Variants in ADAM32 observed in about 807,000 individuals in gnomAD.
ADAM32 encodes the protein disintegrin and metalloproteinase domain-containing protein 32.
A neutral mutation model predicts 114.9 loss-of-function variants in ADAM32; 89 were observed. The observed-to-expected ratio is 0.77, with a 90% CI of 0.65 to 0.92. The LOEUF is 0.92. Ranked by LOEUF, ADAM32 falls within the 40% of genes least tolerant of loss-of-function variation. ADAM32 has a pLI of 0.00. For missense variants in ADAM32, 870 were observed against 932.8 expected (o/e 0.93, Z 0.88); for synonymous variants, 285 against 307.5 (o/e 0.93, Z 0.77).
At chr8:39,193,337 G>A (rs1446861640) in intron 11 of ADAM32, among the ~76,000 whole-genome samples, 1 of 152,074 alleles carries the variant, frequency 6.6e-6, no homozygotes, top group Admixed American at 6.5e-5. Flanking sequence ...TACTGTGTTT[G>A]TCAGCTCTAT....
chr8:39,234,631 T>C (rs1031989918), intron 16 of ADAM32, among the ~76,000 whole-genome samples: 3 of 152,252 alleles, frequency 2.0e-5, no homozygotes, highest in Non-Finnish European at 2.9e-5. Flanking sequence ...CTTAGCACAA[T>C]GCCCAGAACA....
intron 22 of ADAM32, among the ~76,000 whole-genome samples, chr8:39,280,907 C>T (rs1369486177): frequency 1.3e-5 from 2 of 151,806 alleles, no homozygotes; most frequent in Admixed American, 6.6e-5. Flanking sequence ...CTCAGTCTCC[C>T]GAGTAGCTGG....
chr8:39,213,002 C>A (rs185516282), intron 12 of ADAM32, among the ~76,000 whole-genome samples: 19 of 152,162 alleles, frequency 1.2e-4, no homozygotes, highest in Admixed American at 2.6e-4. Flanking sequence ...TGAGCATGCT[C>A]TTACTGGCGA....
chr8:39,194,203 C>T (rs931115570), intron 11 of ADAM32, among the ~76,000 whole-genome samples: 2 of 152,104 alleles, frequency 1.3e-5, no homozygotes, highest in African/African-American at 4.8e-5. Context: ...AGTGTGTGCC[C>T]TCTGTGCACA....
rs569444981 is a variant in ADAM32 at position 39,234,008 on chromosome 8, G to C, written c.1744G>C (p.Val582Leu). ...AFVRDSVCIT[V>L]DYKLPRTVPD... ...CGTACGAGATTCTGTATGCATAACT[G>C]TAGACTACAAATTGCCTCGAACAGT... is the stretch of plus-strand genomic sequence containing the variant. Residue 582 changes from valine to leucine, a missense_variant, in exon 16 of 25, where the codon GTA (valine) becomes CTA (leucine). Physicochemically the swap from Val to Leu is conservative, Grantham distance 32 (BLOSUM62 1). Transcript: ENST00000379907. 1.9e-6 allele frequency: 3 copies of C among 1,554,028 alleles called. No individual in the cohort carries two copies. The East Asian group carries it at 7.1e-5, about 37-fold the overall frequency.
In ADAM32 at chr8:39,274,361, TAGAAG is replaced by T; in HGVS notation, c.2240+14_2240+18del. ...GACATATGCCAGCCAGTAAGTAGGTTAGAAGAGGTTTTTAAGATACATGTTGAAAA... is the reference window on the plus strand; with the variant it reads ...GACATATGCCAGCCAGTAAGTAGGTTAGGTTTTTAAGATACATGTTGAAAA... On this transcript the variant is annotated intron_variant, in intron 21 of 24. Transcript: ENST00000379907. The T allele has an allele frequency of 6.2e-7, 1 of 1,610,898 alleles. No homozygotes were observed. The highest frequency in any genetic ancestry group is 1.3e-5 in the African/African-American group (1 of 74,914).
At chr8:39,120,221 T>C (rs571581822) in intron 2 of ADAM32, among the ~76,000 whole-genome samples, 32 of 152,304 alleles carry the variant, frequency 2.1e-4, no homozygotes, top group African/African-American at 7.7e-4. Context: ...GGTGCTGCTG[T>C]AACAAATACC....
At chr8:39,212,942 T>C (rs941441929) in intron 12 of ADAM32, among the ~76,000 whole-genome samples, 9 of 152,164 alleles carry the variant, frequency 5.9e-5, no homozygotes, top group Non-Finnish European at 8.8e-5. Flanking sequence ...GCTATTCCAG[T>C]GGTTTTGTAG....
chr8:39,175,823 T>G (rs934911322), intron 10 of ADAM32, among the ~76,000 whole-genome samples: 5 of 152,178 alleles, frequency 3.3e-5, no homozygotes, highest in African/African-American at 9.7e-5. Context: ...TCTTTTTGGT[T>G]GATAGGCTAT....
intron 16 of ADAM32, among the ~76,000 whole-genome samples, 158 bp from the exon 17 acceptor site, chr8:39,245,925 A>G (rs1369829185): frequency 2.0e-5 from 3 of 152,220 alleles, no homozygotes; most frequent in Non-Finnish European, 2.9e-5. Context: ...TTGCAAAAAA[A>G]ATAAAACACC....
intron 3 of ADAM32, among the ~76,000 whole-genome samples, chr8:39,140,066 G>T (rs1803047283): frequency 6.6e-6 from 1 of 152,200 alleles, no homozygotes; most frequent in Non-Finnish European, 1.5e-5. Context: ...AGCTTAAGGA[G>T]ATTTTGGGCT....
At chr8:39,257,094 A>AT in intron 18 of ADAM32, 93 bp from the exon 19 acceptor site, 1 of 1,234,500 alleles carries the variant, frequency 8.1e-7, no homozygotes, top group Non-Finnish European at 1.1e-6. Flanking sequence ...AACAATACAA[A>AT]TTCAGAAGAT....
At chr8:39,125,551 G>C (rs1802063218) in intron 2 of ADAM32, among the ~76,000 whole-genome samples, 1 of 152,138 alleles carries the variant, frequency 6.6e-6, no homozygotes, top group African/African-American at 2.4e-5. Flanking sequence ...CATCCTAGGG[G>C]TACTCGATTC....
At position 39,165,150 on chromosome 8, in the gene ADAM32, C is replaced by A; in HGVS notation, c.787C>A (p.Gln263Lys). The A allele has an allele frequency of 6.3e-7, 1 of 1,598,678 alleles. No homozygotes were observed. The highest frequency in any genetic ancestry group is 8.6e-7 in the Non-Finnish European group (1 of 1,168,362). The part of the protein sequence containing the change: ...ELLQKFLEWK[Q>K]SYLNLRPHDI... ...ATTGCAAAAATTTTTAGAATGGAAA[C>A]AATCTTATCTTAACCTAAGGCCTCA... The change falls in exon 9 of 25, where the codon CAA becomes AAA. Residue 263 changes from glutamine to lysine, a missense_variant. Physicochemically the swap from Gln to Lys is moderately conservative, Grantham distance 53. Coordinates refer to ENST00000379907, the MANE Select transcript of ADAM32 (RefSeq NM_145004.7).
intron 17 of ADAM32, 51 bp downstream of exon 17, chr8:39,246,217 A>T: frequency 5.8e-6 from 9 of 1,543,184 alleles, no homozygotes; most frequent in Non-Finnish European, 7.1e-6. Flanking sequence ...ACTTTTTTGC[A>T]TCACTCATTA....
At chr8:39,267,475 A>T (rs1393162682) in intron 19 of ADAM32, among the ~76,000 whole-genome samples, 1 of 152,078 alleles carries the variant, frequency 6.6e-6, no homozygotes, top group Admixed American at 6.5e-5. Flanking sequence ...AATTTTTTTA[A>T]ATCTATTTAT....
intron 16 of ADAM32, among the ~76,000 whole-genome samples, chr8:39,236,721 C>G (rs1280226367): frequency 6.6e-6 from 1 of 152,112 alleles, no homozygotes; most frequent in Non-Finnish European, 1.5e-5. Flanking sequence ...TCCCCATACT[C>G]TTTGAGGCTA....
At chr8:39,181,725 T>C (rs1805905980) in intron 10 of ADAM32, among the ~76,000 whole-genome samples, 1 of 152,140 alleles carries the variant, frequency 6.6e-6, no homozygotes, top group Non-Finnish European at 1.5e-5. Context: ...GTAAGGAAGT[T>C]AGGAACAGTG....
chr8:39,187,716 A>AAT (rs375183031), intron 11 of ADAM32, among the ~76,000 whole-genome samples: 101 of 150,412 alleles, frequency 6.7e-4, no homozygotes, highest in African/African-American at 1.3e-3. Flanking sequence ...TGGAGACCAA[A>AAT]ATATATATAT....
Sources: allele counts gnomAD v4.1 joint callset (sites outside exome capture counted in the v4.1 genomes callset), GRCh38; gene constraint gnomAD v4.1.1; transcripts MANE v1.5; gene names NCBI Gene and HGNC (gene_info 2026-07-23, HGNC 2026-07-21).